Variants in PLXNC1 observed in about 807,000 individuals in gnomAD.
The protein encoded by PLXNC1 is plexin-C1.
PLXNC1 carries 75 observed loss-of-function variants against 178.2 expected under a neutral mutation model. The ratio of observed to expected loss-of-function variants is 0.42; its 90% CI spans 0.35 to 0.51. PLXNC1 has a LOEUF of 0.51. PLXNC1 is among the 20% of genes least tolerant of loss of function. The pLI is 0.02. For synonymous variants in PLXNC1, 790 were observed against 779.9 expected (o/e 1.01, Z -0.22); for missense variants, 1,503 against 1,984.4 (o/e 0.76, Z 4.61).
chr12:94,260,807 C>T lies in PLXNC1; in HGVS notation c.3417C>T (p.Asn1139=). 6.2e-7 allele frequency: 1 copy of T among 1,614,222 alleles called. No homozygotes were observed. Among genetic ancestry groups the T allele is most frequent in the Admixed American group, 1.7e-5 (1 of 60,020 alleles). Reference sequence around the variant, plus strand: ...CCGTCGTCGAAAAACTCCTCACAAACTGGATGTCCGTCTGCCTTTCTGGAT... The same window carrying T: ...CCGTCGTCGAAAAACTCCTCACAAATTGGATGTCCGTCTGCCTTTCTGGAT... The part of the protein sequence containing the change: ...TESVVEKLLT[N]WMSVCLSGFL... The change falls in exon 20 of 31, where the codon AAC becomes AAT. Residue 1139 remains asparagine, a synonymous_variant. Coordinates refer to ENST00000258526, the MANE Select transcript of PLXNC1 (RefSeq NM_005761.3). This position sits in a 1 kb window ranked among gnomAD's most constrained non-coding sequence, Gnocchi z 4.4.
intron 1 of PLXNC1, among the ~76,000 whole-genome samples, chr12:94,154,396 T>TA (rs1220608033): frequency 6.6e-6 from 1 of 152,210 alleles, no homozygotes; most frequent in Non-Finnish European, 1.5e-5. Flanking sequence ...ATGGTGATGA[T>TA]AGTAAAGACA....
chr12:94,245,864 GC>G (rs911845525), intron 12 of PLXNC1, among the ~76,000 whole-genome samples: 9 of 152,316 alleles, frequency 5.9e-5, no homozygotes, highest in African/African-American at 1.9e-4. Flanking sequence ...TGAAAACTTT[GC>G]CCTTAATTCT....
Position 94,150,028 on chromosome 12 carries a change from C to T in PLXNC1, c.1057C>T (p.His353Tyr). 6.3e-7 allele frequency: 1 copy of T among 1,590,470 alleles called. No individual in the cohort carries two copies. The highest frequency in any genetic ancestry group is 8.5e-7 in the Non-Finnish European group (1 of 1,170,002). ...CTGGGACTTCAAGACGGCCGAGAGC[C>T]ACTGCGTAAGTCCTGCCCCCGGGGC... ...VSWDFKTAES[H>Y]CKEGDQPERV... The change falls in exon 1 of 31, where the codon CAC becomes TAC. Residue 353 changes from histidine (H) to tyrosine (Y), a missense_variant. His to Tyr is a moderately conservative substitution (Grantham distance 83). Coordinates refer to ENST00000258526, the MANE Select transcript of PLXNC1 (RefSeq NM_005761.3).
Position 94,149,478 on chromosome 12 carries a change from G to A in PLXNC1, c.507G>A (p.Ala169=), listed in dbSNP as rs1960862033. Reference sequence around the variant, plus strand: ...CGACGGCCGGCGTGGTGTACCGCGCGGGCCGGAACAACCGCTGGTACCTGG... The same window carrying A: ...CGACGGCCGGCGTGGTGTACCGCGCAGGCCGGAACAACCGCTGGTACCTGG... The part of the protein sequence containing the change: ...QGSTAGVVYR[A]GRNNRWYLAV... The change falls in exon 1 of 31, where the codon GCG becomes GCA. Residue 169 remains alanine (A), a synonymous_variant. Transcript: ENST00000258526. 6.6e-7 allele frequency: 1 copy of A among 1,512,062 alleles called. No homozygotes were observed. The highest frequency in any genetic ancestry group is 2.0e-4 in the Middle Eastern group (1 of 5,002). 93.7% of individuals were successfully genotyped at this position (1,512,062 alleles called of 1,614,324 possible). A position where few individuals can be genotyped will look rare whatever the true frequency, so the allele number is the denominator to read the frequency against.
intron 2 of PLXNC1, among the ~76,000 whole-genome samples, chr12:94,178,101 C>A (rs1962168183): frequency 6.6e-6 from 1 of 152,160 alleles, no homozygotes; most frequent in African/African-American, 2.4e-5. Context: ...AGTCCTCAAA[C>A]CAAATTTGGT....
chr12:94,283,619 A>G (rs1393376138), intron 23 of PLXNC1, among the ~76,000 whole-genome samples: 6 of 152,210 alleles, frequency 3.9e-5, no homozygotes, highest in Non-Finnish European at 8.8e-5. Context: ...TTTAAGGACA[A>G]CTTGGTGGGT....
At chr12:94,277,940 G>A (rs1313581088) in intron 21 of PLXNC1, 4 of 455,988 alleles carry the variant, frequency 8.8e-6, no homozygotes, top group Non-Finnish European at 1.8e-5. Context: ...CATATGATTT[G>A]TGTTTTCATC....
chr12:94,284,904 T>G (rs923468529), intron 23 of PLXNC1, among the ~76,000 whole-genome samples: 3 of 152,166 alleles, frequency 2.0e-5, no homozygotes, highest in African/African-American at 7.2e-5. Context: ...AGTGGGGCTG[T>G]GTGTGAGATG....
chr12:94,259,068 G>A (rs903836276), intron 17 of PLXNC1, among the ~76,000 whole-genome samples: 1 of 152,164 alleles, frequency 6.6e-6, no homozygotes, highest in South Asian at 2.1e-4. Context: ...CTTCTAAAAC[G>A]TGGGATGATA....
intron 21 of PLXNC1, among the ~76,000 whole-genome samples, chr12:94,269,265 C>T (rs1011565989): frequency 1.8e-4 from 27 of 152,244 alleles, no homozygotes; most frequent in Non-Finnish European, 3.1e-4. Flanking sequence ...ATATTATTGC[C>T]TTCATTCTCC....
At chr12:94,237,365 T>G (rs1964270301) in intron 9 of PLXNC1, among the ~76,000 whole-genome samples, 1 of 152,214 alleles carries the variant, frequency 6.6e-6, no homozygotes, top group Non-Finnish European at 1.5e-5. Context: ...GTAAACATTT[T>G]CAAAACTCTA....
chr12:94,263,582 G>A (rs2136085178), intron 20 of PLXNC1, among the ~76,000 whole-genome samples: 1 of 152,214 alleles, frequency 6.6e-6, no homozygotes, highest in Middle Eastern at 3.4e-3. Flanking sequence ...TGGAGGAAAA[G>A]AGGTTCTAAG....
chr12:94,263,498 G>T (rs547518866), intron 20 of PLXNC1, among the ~76,000 whole-genome samples: 2 of 151,992 alleles, frequency 1.3e-5, no homozygotes, highest in African/African-American at 4.8e-5. Context: ...AGCCCACCTG[G>T]CCCCCTGACT....
chr12:94,271,736 A>C (rs1055464445), intron 21 of PLXNC1, among the ~76,000 whole-genome samples: 1 of 152,192 alleles, frequency 6.6e-6, no homozygotes, highest in Admixed American at 6.5e-5. Flanking sequence ...GTAGGTGCTC[A>C]TTCTTTTTTG....
chr12:94,212,215 A>C (rs1963492638), intron 5 of PLXNC1, among the ~76,000 whole-genome samples: 1 of 140,348 alleles, frequency 7.1e-6, no homozygotes, highest in Non-Finnish European at 1.5e-5. Flanking sequence ...CGGAGCTTGC[A>C]GTGAGCCGAG....
intron 2 of PLXNC1, among the ~76,000 whole-genome samples, chr12:94,174,997 GA>G (rs1961995718): frequency 6.6e-6 from 1 of 152,174 alleles, no homozygotes; most frequent in Non-Finnish European, 1.5e-5. Context: ...AAGTAGATTG[GA>G]AACAAAAGAG....
intron 3 of PLXNC1, among the ~76,000 whole-genome samples, chr12:94,184,558 G>T (rs547749440): frequency 6.6e-6 from 1 of 152,132 alleles, no homozygotes; most frequent in South Asian, 2.1e-4. Context: ...GACTAGCTGG[G>T]ATTACAGACG....
chr12:94,268,633 A>G (rs1161718986), intron 21 of PLXNC1, among the ~76,000 whole-genome samples: 1 of 123,280 alleles, frequency 8.1e-6, no homozygotes, highest in Non-Finnish European at 1.6e-5. Context: ...ATACCACTCT[A>G]GTGCAGGCTG....
At chr12:94,288,435 A>G (rs1966920344) in intron 23 of PLXNC1, among the ~76,000 whole-genome samples, 1 of 152,218 alleles carries the variant, frequency 6.6e-6, no homozygotes, top group Non-Finnish European at 1.5e-5. Context: ...GGAGGAAGAC[A>G]GTCTCAGGGC....
Sources: gnomAD v4.1 joint callset for allele counts (sites outside exome capture counted in the v4.1 genomes callset) on GRCh38, gnomAD v4.1.1 for gene constraint, Gnocchi (gnomAD v3.1) non-coding constraint, MANE v1.5 for transcripts, NCBI Gene and HGNC (gene_info 2026-07-23, HGNC 2026-07-21) for gene names.